Variants in CAST observed in about 807,000 individuals in gnomAD.
CAST encodes the protein MIR583 host.
A neutral mutation model predicts 119.6 loss-of-function variants in CAST; 76 were observed. The ratio of observed to expected loss-of-function variants is 0.64; its 90% CI spans 0.53 to 0.77. CAST has a LOEUF of 0.77. Among genes scored for constraint, CAST ranks in the 30% least tolerant of loss-of-function variants. The pLI, the probability that CAST is intolerant of heterozygous loss-of-function variation, is 0.00. For synonymous variants in CAST, 319 were observed against 331.6 expected, an observed-to-expected ratio of 0.96 and a Z score of 0.41; for missense variants, 953 against 946.5, an observed-to-expected ratio of 1.01 and a Z score of -0.09.
At chr5:96,098,078 T>A in the CAST span, among the ~76,000 whole-genome samples, 1 of 152,198 alleles carries the variant, frequency 6.6e-6, no homozygotes, top group Admixed American at 6.5e-5. Flanking sequence ...TCTCTAATGA[T>A]CAGTAATTTG....
At chr5:96,257,171 G>C in the CAST span, among the ~76,000 whole-genome samples, 1 of 152,324 alleles carries the variant, frequency 6.6e-6, no homozygotes, top group African/African-American at 2.4e-5. Context: ...TGATGAAGAA[G>C]AGAGTTCTGG....
the CAST span, among the ~76,000 whole-genome samples, chr5:96,249,651 T>C: frequency 3.9e-5 from 6 of 152,132 alleles, no homozygotes; most frequent in African/African-American, 1.4e-4. Context: ...GGCCTACAAG[T>C]GACATAAAAG....
chr5:96,762,024 TAA>T (rs1768138352), intron 24 of CAST: 1 of 304,226 alleles, frequency 3.3e-6, no homozygotes, highest in Admixed American at 4.8e-5. Context: ...CGTGGAACTC[TAA>T]GTTATATTAT....
chr5:96,711,165 G>T (rs986862904), intron 3 of CAST, among the ~76,000 whole-genome samples: 1 of 152,094 alleles, frequency 6.6e-6, no homozygotes, highest in African/African-American at 2.4e-5. Context: ...TAAAATCTTT[G>T]TGAAATACCA....
chr5:96,156,078 G>A, the CAST span, among the ~76,000 whole-genome samples: 3 of 152,172 alleles, frequency 2.0e-5, no homozygotes, highest in Admixed American at 6.5e-5. Flanking sequence ...CGTATTGAAC[G>A]TGGGAGCCTT....
the CAST span, among the ~76,000 whole-genome samples, chr5:96,001,831 C>A: frequency 6.6e-6 from 1 of 152,184 alleles, no homozygotes; most frequent in Non-Finnish European, 1.5e-5. Flanking sequence ...AATACAGCAC[C>A]TTCAAATCTG....
intron 7 of CAST, 152 bp from the exon 8 acceptor site, chr5:96,729,460 A>T: frequency 1.6e-6 from 1 of 618,804 alleles, no homozygotes. Context: ...ACATCACACT[A>T]ATTGAAATTT....
At chr5:96,313,115 C>T in the CAST span, among the ~76,000 whole-genome samples, 1 of 152,004 alleles carries the variant, frequency 6.6e-6, no homozygotes, top group African/African-American at 2.4e-5. Flanking sequence ...ATGGTCAAAC[C>T]ATAATCAAAC....
chr5:96,452,308 G>T, the CAST span, among the ~76,000 whole-genome samples: 1 of 152,226 alleles, frequency 6.6e-6, no homozygotes, highest in Admixed American at 6.5e-5. Flanking sequence ...ATACTATGCA[G>T]CCATAAAAGA....
At chr5:96,662,951 G>C (rs1445638896) in intron 1 of CAST, 1 of 592,218 alleles carries the variant, frequency 1.7e-6, no homozygotes, top group Non-Finnish European at 3.0e-6. Context: ...CGGGCGAGGA[G>C]GGGCGGGGCC....
the CAST span, among the ~76,000 whole-genome samples, chr5:95,997,987 T>C: frequency 1.4e-5 from 2 of 143,196 alleles, no homozygotes; most frequent in Admixed American, 7.0e-5. Flanking sequence ...TTTTTTTTTT[T>C]CCTTTGCGGG....
chr5:96,107,620 T>C, the CAST span, among the ~76,000 whole-genome samples: 2 of 152,194 alleles, frequency 1.3e-5, no homozygotes, highest in Non-Finnish European at 2.9e-5. Context: ...CTTCCCTTTG[T>C]GGGTAACCTG....
At chr5:96,041,963 A>G in the CAST span, among the ~76,000 whole-genome samples, 1 of 152,072 alleles carries the variant, frequency 6.6e-6, no homozygotes, top group East Asian at 1.9e-4. Context: ...TTGCCACACG[A>G]TAGTTTCAGA....
intron 1 of CAST, among the ~76,000 whole-genome samples, chr5:96,585,850 T>A (rs1746850366): frequency 6.6e-6 from 1 of 152,248 alleles, no homozygotes; most frequent in Non-Finnish European, 1.5e-5. Context: ...AGGACAAATT[T>A]TCTCGTCTTT....
the CAST span, among the ~76,000 whole-genome samples, chr5:96,019,759 C>T: frequency 6.6e-6 from 1 of 152,034 alleles, no homozygotes; most frequent in Non-Finnish European, 1.5e-5. Context: ...ATATAATAAG[C>T]TTTTGTTTTT....
At chr5:96,281,422 G>A in the CAST span, among the ~76,000 whole-genome samples, 1 of 152,130 alleles carries the variant, frequency 6.6e-6, no homozygotes, top group Non-Finnish European at 1.5e-5. Context: ...AGTTGATGAA[G>A]GCAATGAATT....
chr5:96,425,967 A>G, the CAST span: 35 of 1,156,072 alleles, frequency 3.0e-5, no homozygotes, highest in East Asian at 4.4e-4. Flanking sequence ...TCAAAAGTCA[A>G]ATATCTACCT....
chr5:96,198,906 C>T, the CAST span, among the ~76,000 whole-genome samples: 3 of 152,044 alleles, frequency 2.0e-5, no homozygotes, highest in Non-Finnish European at 4.4e-5. Flanking sequence ...GCTGTCATGT[C>T]CATTTTTCAT....
chr5:96,619,059 C>G (rs111592743), intron 1 of CAST, among the ~76,000 whole-genome samples: 2 of 151,982 alleles, frequency 1.3e-5, no homozygotes, highest in East Asian at 1.9e-4. Flanking sequence ...GGTTTGTAAA[C>G]GCATCAATCA....
Sources: allele counts gnomAD v4.1 joint callset (sites outside exome capture counted in the v4.1 genomes callset), GRCh38; gene constraint gnomAD v4.1.1; transcripts MANE v1.5; gene names NCBI Gene and HGNC (gene_info 2026-07-23, HGNC 2026-07-21).